The following NOX4 variants were observed in gnomAD, a reference collection of about 807,000 sequenced individuals.
The protein encoded by NOX4 is NADPH oxidase 4.
Under a neutral mutation model 87.6 loss-of-function variants are expected in NOX4, and 69 were observed. That is an observed-to-expected ratio of 0.79 (90% confidence interval 0.65 to 0.96). The LOEUF (loss-of-function observed/expected upper bound fraction) is 0.96. Among genes scored for constraint, NOX4 ranks in the 40% least tolerant of loss-of-function variants. The probability of loss-of-function intolerance (pLI) is 0.00; values close to 1 mark genes in which losing one functional copy is unlikely to be tolerated. For synonymous variants in NOX4, 275 were observed against 238.2 expected (o/e 1.15, Z -1.42); for missense variants, 680 against 681.5 (o/e 1.00, Z 0.02).
chr11:89,443,884 G>A lies in NOX4; in HGVS notation c.447+251C>T. On this transcript the variant is annotated intron_variant, in intron 5 of 17. Coordinates refer to ENST00000263317, the MANE Select transcript of NOX4 (RefSeq NM_016931.5). Reference sequence around the variant, plus strand: ...GCTGCTGGGAGTCAGAGGCAGACCTGAGTGGCAACCATCTGAACATTGCAA... The same window carrying A: ...GCTGCTGGGAGTCAGAGGCAGACCTAAGTGGCAACCATCTGAACATTGCAA... The A allele has an allele frequency of 2.2e-5, 8 of 370,344 alleles. No individual in the cohort carries two copies. In the South Asian group the frequency reaches 3.7e-4, roughly 17 times the overall value. The allele number at this position is 370,344 out of a possible 1,614,324, so 22.9% of individuals were successfully genotyped here.
intron 13 of NOX4, among the ~76,000 whole-genome samples, chr11:89,342,797 A>G (rs1402196208): frequency 6.6e-6 from 1 of 152,134 alleles, no homozygotes; most frequent in Non-Finnish European, 1.5e-5. Context: ...TACTCTGCTC[A>G]TGTTTATATA....
the NOX4 span, among the ~76,000 whole-genome samples, chr11:89,503,322 T>G: frequency 6.6e-6 from 1 of 151,926 alleles, no homozygotes; most frequent in Non-Finnish European, 1.5e-5. Context: ...CCAATTCTAT[T>G]TATGGTAATT....
chr11:89,445,110 C>T (rs369975550), intron 4 of NOX4, among the ~76,000 whole-genome samples: 33 of 152,086 alleles, frequency 2.2e-4, no homozygotes, highest in African/African-American at 8.0e-4. Flanking sequence ...GTGATCTTGG[C>T]CATATTATTT....
the NOX4 span, among the ~76,000 whole-genome samples, chr11:89,555,887 A>C: frequency 6.6e-6 from 1 of 152,182 alleles, no homozygotes; most frequent in Admixed American, 6.6e-5. Flanking sequence ...GCACTTCCTC[A>C]TTGTTGGTTT....
At chr11:89,429,484 G>C (rs1367886547) in intron 7 of NOX4, among the ~76,000 whole-genome samples, 2 of 152,104 alleles carry the variant, frequency 1.3e-5, no homozygotes, top group Non-Finnish European at 2.9e-5. Context: ...AAGAAGAAAA[G>C]AGAGAAGAAT....
intron 2 of NOX4, among the ~76,000 whole-genome samples, chr11:89,470,779 T>C (rs1215848133): frequency 1.3e-5 from 2 of 152,164 alleles, no homozygotes; most frequent in Non-Finnish European, 2.9e-5. Context: ...TAACTGATGA[T>C]ACCATTAGGC....
chr11:89,353,093 A>T (rs1306035366), intron 13 of NOX4, among the ~76,000 whole-genome samples: 2 of 152,214 alleles, frequency 1.3e-5, no homozygotes, highest in Non-Finnish European at 1.5e-5. Context: ...TGCTGGGATT[A>T]CAGGAAGAAA....
At chr11:89,334,438 T>A (rs1945612205) in intron 17 of NOX4, among the ~76,000 whole-genome samples, 1 of 151,800 alleles carries the variant, frequency 6.6e-6, no homozygotes. Flanking sequence ...ATGACTGTAA[T>A]CTGAATCACA....
rs769405107 is a variant in NOX4, at chr11:89,440,738, AATG to A, written c.448-26_448-24del. 5.0e-6 allele frequency: 7 copies of A among 1,411,686 alleles called. No individual in the cohort carries two copies. The East Asian group carries it at 1.7e-4, about 33-fold the overall frequency. 87.4% of individuals were successfully genotyped at this position (1,411,686 alleles called of 1,614,324 possible). ...ATCCTGAGAAAAAGAAAAAAAAATA[AATG>A]ATTAAAAACTAAAGCACTGATGATA... On this transcript the variant is annotated intron_variant, in intron 5 of 17. Coordinates refer to ENST00000263317, the MANE Select transcript of NOX4 (RefSeq NM_016931.5).
intron 12 of NOX4, among the ~76,000 whole-genome samples, chr11:89,365,342 T>C (rs1170574691): frequency 6.6e-6 from 1 of 152,086 alleles, no homozygotes; most frequent in Non-Finnish European, 1.5e-5. Context: ...GACAGACTTC[T>C]TGGCCCCTAA....
At chr11:89,474,063 T>C (rs115160290) in intron 2 of NOX4, among the ~76,000 whole-genome samples, 3 of 152,158 alleles carry the variant, frequency 2.0e-5, no homozygotes, top group African/African-American at 7.2e-5. Flanking sequence ...ACCACACTAG[T>C]GCAGTTGTTG....
chr11:89,466,883 A>G (rs1945718237), intron 2 of NOX4, among the ~76,000 whole-genome samples: 1 of 152,218 alleles, frequency 6.6e-6, no homozygotes, highest in African/African-American at 2.4e-5. Context: ...AGGGACATCC[A>G]TGCAGGGAAA....
At chr11:89,390,062 G>C (rs1591091166) in intron 11 of NOX4, among the ~76,000 whole-genome samples, 1 of 152,132 alleles carries the variant, frequency 6.6e-6, no homozygotes, top group Admixed American at 6.6e-5. Flanking sequence ...AAATTGCTTT[G>C]TTTTACTTCA....
chr11:89,427,468 AC>A (rs1943496127), intron 7 of NOX4, among the ~76,000 whole-genome samples: 1 of 151,932 alleles, frequency 6.6e-6, no homozygotes, highest in Non-Finnish European at 1.5e-5. Context: ...GAAGCTAAAA[AC>A]CTTGAAAAAA....
intron 11 of NOX4, among the ~76,000 whole-genome samples, chr11:89,380,386 A>G (rs890179709): frequency 1.3e-5 from 2 of 152,156 alleles, no homozygotes; most frequent in African/African-American, 4.8e-5. Flanking sequence ...TAACATGGTC[A>G]CTGCTGAACC....
intron 11 of NOX4, among the ~76,000 whole-genome samples, chr11:89,383,120 T>C (rs1321501871): frequency 6.6e-6 from 1 of 151,992 alleles, no homozygotes; most frequent in Admixed American, 6.6e-5. Flanking sequence ...AGATGTTCAA[T>C]AACAGAGGAG....
chr11:89,442,433 C>T (rs1380014254), intron 5 of NOX4, among the ~76,000 whole-genome samples: 4 of 152,062 alleles, frequency 2.6e-5, no homozygotes, highest in Admixed American at 6.6e-5. Context: ...AATACATTCA[C>T]TGGAGTGTGG....
chr11:89,333,662 T>C (rs1187175745), intron 17 of NOX4, among the ~76,000 whole-genome samples: 3 of 151,806 alleles, frequency 2.0e-5, no homozygotes, highest in Non-Finnish European at 2.9e-5. Flanking sequence ...CCTACTGTTA[T>C]CTCTATATGT....
intron 17 of NOX4, among the ~76,000 whole-genome samples, chr11:89,334,418 T>G (rs1311088055): frequency 6.6e-6 from 1 of 151,780 alleles, no homozygotes; most frequent in Non-Finnish European, 1.5e-5. Context: ...ACTACAAAAG[T>G]GTTTTAAACA....
Sources: allele counts gnomAD v4.1 joint callset (sites outside exome capture counted in the v4.1 genomes callset), GRCh38; gene constraint gnomAD v4.1.1; transcripts MANE v1.5; gene names NCBI Gene and HGNC (gene_info 2026-07-23, HGNC 2026-07-21).